SCHIP1: variants seen among roughly 807,000 people sequenced by gnomAD.
SCHIP1 encodes the protein schwannomin-interacting protein 1.
SCHIP1 carries 8 observed loss-of-function variants against 29.7 expected under a neutral mutation model. The observed-to-expected ratio is 0.27, with a 90% confidence interval of 0.16 to 0.49. The LOEUF is 0.49. Ranked by LOEUF, SCHIP1 falls within the 20% of genes least tolerant of loss-of-function variation. SCHIP1 has a pLI of 0.99. For synonymous variants in SCHIP1, 76 were observed against 94.9 expected, an observed-to-expected ratio of 0.80 and a Z score of 1.16; for missense variants, 193 against 294.6, an observed-to-expected ratio of 0.66 and a Z score of 2.52.
the SCHIP1 span, among the ~76,000 whole-genome samples, chr3:159,394,848 T>A: frequency 6.6e-6 from 1 of 152,142 alleles, no homozygotes; most frequent in Non-Finnish European, 1.5e-5. Flanking sequence ...TTAGGGAGGA[T>A]TCCCTCTTTT....
the SCHIP1 span, among the ~76,000 whole-genome samples, chr3:159,573,469 G>T: frequency 1.3e-5 from 2 of 152,318 alleles, no homozygotes; most frequent in South Asian, 4.1e-4. Flanking sequence ...GGTTTCTGCT[G>T]AGAGATCCAC....
the SCHIP1 span, among the ~76,000 whole-genome samples, chr3:159,363,031 C>T: frequency 6.6e-6 from 1 of 152,148 alleles, no homozygotes; most frequent in African/African-American, 2.4e-5. Context: ...TCCCTCTCTC[C>T]CTTCTCAGTT....
the SCHIP1 span, among the ~76,000 whole-genome samples, chr3:159,376,671 GT>G: frequency 6.6e-6 from 1 of 152,152 alleles, no homozygotes; most frequent in Non-Finnish European, 1.5e-5. Flanking sequence ...CAAGTGCTGT[GT>G]TTCATATTCT....
At chr3:159,693,289 A>G in the SCHIP1 span, among the ~76,000 whole-genome samples, 356 of 152,340 alleles carry the variant, frequency 2.3e-3, no homozygotes, top group Non-Finnish European at 4.5e-3. Flanking sequence ...GTTTGCACAC[A>G]AAAGAATGCA....
chr3:159,692,510 C>G, the SCHIP1 span, among the ~76,000 whole-genome samples: 1 of 152,184 alleles, frequency 6.6e-6, no homozygotes, highest in South Asian at 2.1e-4. Flanking sequence ...TCTGCTCAAT[C>G]AATTCGGCTA....
chr3:159,622,965 A>G, the SCHIP1 span, among the ~76,000 whole-genome samples: 6 of 152,216 alleles, frequency 3.9e-5, no homozygotes, highest in African/African-American at 1.4e-4. Context: ...ATATGTGCAT[A>G]GATAGGTGTG....
chr3:159,558,613 A>G, the SCHIP1 span, among the ~76,000 whole-genome samples: 2 of 152,150 alleles, frequency 1.3e-5, no homozygotes, highest in Non-Finnish European at 2.9e-5. Context: ...GTTATGGACT[A>G]AGGACTTGGG....
chr3:159,782,998 C>G, the SCHIP1 span, among the ~76,000 whole-genome samples: 6 of 152,174 alleles, frequency 3.9e-5, no homozygotes, highest in South Asian at 2.1e-4. Flanking sequence ...GGAAGGGAGA[C>G]AAGGTTGGGA....
chr3:159,298,940 C>T, the SCHIP1 span, among the ~76,000 whole-genome samples: 38 of 152,210 alleles, frequency 2.5e-4, no homozygotes, highest in Admixed American at 3.9e-4. Context: ...TACTCCAGCC[C>T]TCTTGCATCT....
chr3:159,398,992 A>T, the SCHIP1 span: 1 of 969,236 alleles, frequency 1.0e-6, no homozygotes, highest in African/African-American at 1.8e-5. Flanking sequence ...AGCCCAGAGA[A>T]CTGTTCCCAC....
intron 2 of SCHIP1, among the ~76,000 whole-genome samples, chr3:159,876,550 C>T (rs889649220): frequency 1.3e-5 from 2 of 152,134 alleles, no homozygotes; most frequent in Admixed American, 1.3e-4. Flanking sequence ...TTTCGTTATC[C>T]TTTTTATTTA....
the SCHIP1 span, among the ~76,000 whole-genome samples, chr3:159,381,565 C>A: frequency 6.6e-6 from 1 of 152,018 alleles, no homozygotes; most frequent in Non-Finnish European, 1.5e-5. Flanking sequence ...CAGTTACACC[C>A]TGGTCTCAGC....
chr3:159,778,784 T>C, the SCHIP1 span, among the ~76,000 whole-genome samples: 1 of 152,162 alleles, frequency 6.6e-6, no homozygotes, highest in Non-Finnish European at 1.5e-5. Context: ...CCCTCCTCGG[T>C]GGAACTCTGG....
chr3:159,344,522 T>C, the SCHIP1 span, among the ~76,000 whole-genome samples: 1 of 152,142 alleles, frequency 6.6e-6, no homozygotes, highest in Non-Finnish European at 1.5e-5. Flanking sequence ...TCTGTTGATC[T>C]TTCTCCCCAA....
chr3:159,584,943 TCC>T, the SCHIP1 span, among the ~76,000 whole-genome samples: 5 of 151,936 alleles, frequency 3.3e-5, no homozygotes, highest in Non-Finnish European at 5.9e-5. Flanking sequence ...CACTAACACC[TCC>T]CAGACTTCAA....
the SCHIP1 span, among the ~76,000 whole-genome samples, chr3:159,366,755 T>G: frequency 6.6e-6 from 1 of 152,184 alleles, no homozygotes; most frequent in Non-Finnish European, 1.5e-5. Flanking sequence ...TCTCCCACTA[T>G]GCCTGTTAAC....
the SCHIP1 span, among the ~76,000 whole-genome samples, chr3:159,506,758 T>A: frequency 1.3e-5 from 2 of 152,224 alleles, no homozygotes; most frequent in Non-Finnish European, 2.9e-5. Flanking sequence ...CTCAGGTTTG[T>A]CAAAGACCAG....
chr3:159,756,517 G>A, the SCHIP1 span, among the ~76,000 whole-genome samples: 15 of 152,298 alleles, frequency 9.8e-5, no homozygotes, highest in South Asian at 1.2e-3. Flanking sequence ...GGTCTATGAC[G>A]GGAGGGGCTG....
chr3:159,395,229 G>A, the SCHIP1 span, among the ~76,000 whole-genome samples: 1 of 151,334 alleles, frequency 6.6e-6, no homozygotes, highest in Non-Finnish European at 1.5e-5. Context: ...TATTAGTCTT[G>A]CTAGCGGTCT....
Sources: gnomAD v4.1 joint callset for allele counts (sites outside exome capture counted in the v4.1 genomes callset) on GRCh38, gnomAD v4.1.1 for gene constraint, MANE v1.5 for transcripts, NCBI Gene and HGNC (gene_info 2026-07-23, HGNC 2026-07-21) for gene names.